Variants in MYO3A observed in about 807,000 individuals in gnomAD.
MYO3A encodes the protein myosin IIIA, also known as myosin-IIIa.
A neutral mutation model predicts 192.7 loss-of-function variants in MYO3A; 180 were observed. The ratio of observed to expected loss-of-function variants is 0.93; its 90% CI spans 0.83 to 1.06. The LOEUF (loss-of-function observed/expected upper bound fraction) is 1.06. Among genes scored for constraint, MYO3A ranks in the 50% least tolerant of loss-of-function variants. MYO3A has a pLI of 0.00. For missense variants in MYO3A, 1,896 were observed against 1,905.0 expected (o/e 1.00, Z 0.09); for synonymous variants, 628 against 645.3 (o/e 0.97, Z 0.41).
intron 31 of MYO3A, among the ~76,000 whole-genome samples, chr10:26,184,752 T>A (rs1325245076): frequency 6.6e-6 from 1 of 152,188 alleles, no homozygotes; most frequent in Non-Finnish European, 1.5e-5. Flanking sequence ...AGCAATAACC[T>A]TTACAAGCTA....
chr10:26,062,530 A>AAAAAAAAAAAACAAAAAAAAACG (rs1554816581), intron 10 of MYO3A, among the ~76,000 whole-genome samples: 1 of 125,946 alleles, frequency 7.9e-6, no homozygotes, highest in African/African-American at 2.9e-5. Flanking sequence ...AAAAAAAAAA[A>AAAAAAAAAAAACAAAAAAAAACG]AAATTATGGA....
intron 10 of MYO3A, among the ~76,000 whole-genome samples, chr10:26,032,267 A>T (rs765298834): frequency 6.6e-6 from 1 of 152,220 alleles, no homozygotes; most frequent in Non-Finnish European, 1.5e-5. Context: ...TATTTGAGAC[A>T]TATGTGGAAG....
At chr10:26,108,922 G>T (rs376819793) in intron 17 of MYO3A, among the ~76,000 whole-genome samples, 69 of 152,304 alleles carry the variant, frequency 4.5e-4, no homozygotes, top group African/African-American at 1.5e-3. Flanking sequence ...CCTTACAAGG[G>T]AGGTTTAGGT....
Position 26,026,629 on chromosome 10 carries a change from A to C in MYO3A, c.953+97A>C, listed in dbSNP as rs890185143. ...AGTTTTTAAGGTGAATAAAATTTGG[A>C]GGTAATGGGGACTTACATGAAAAGT... On this transcript the variant is annotated intron_variant, in intron 10 of 34. Coordinates refer to ENST00000642920, the MANE Select transcript of MYO3A (RefSeq NM_017433.5). The C allele has an allele frequency of 5.6e-6, 8 of 1,419,088 alleles. No homozygotes were observed. In the South Asian group the frequency reaches 9.7e-5, roughly 17 times the overall value. The allele number at this position is 1,419,088 out of a possible 1,614,324, so 87.9% of individuals were successfully genotyped here. A position where few individuals can be genotyped will look rare whatever the true frequency, so the allele number is the denominator to read the frequency against.
rs73594317 is a variant in MYO3A at position 26,203,223 on chromosome 10, A to G, written c.4730+116A>G. On this transcript the variant is annotated intron_variant, in intron 34 of 34. Transcript: ENST00000642920. ...ACAAAGCACTCTTACTGAATATTGC[A>G]TCTTTGGAGTGATATGGTGTTTAAA... 3.7e-4 allele frequency: 418 copies of G among 1,131,566 alleles called. 1 individual carries two copies. In the African/African-American group the frequency reaches 5.6e-3, roughly 15 times the overall value. The allele number at this position is 1,131,566 out of a possible 1,614,324, so 70.1% of individuals were successfully genotyped here. A position where few individuals can be genotyped will look rare whatever the true frequency, so the allele number is the denominator to read the frequency against.
chr10:26,090,139 TCTC>T (rs745654879), intron 15 of MYO3A, among the ~76,000 whole-genome samples: 6 of 152,194 alleles, frequency 3.9e-5, no homozygotes, highest in Non-Finnish European at 7.3e-5. Flanking sequence ...TGTGTAAGCT[TCTC>T]CTTCAGGCCC....
chr10:25,970,323 G>T (rs1176997758), intron 4 of MYO3A, among the ~76,000 whole-genome samples: 1 of 151,798 alleles, frequency 6.6e-6, no homozygotes, highest in African/African-American at 2.4e-5. Flanking sequence ...CTGGGAATTA[G>T]ATCACACACC....
intron 20 of MYO3A, among the ~76,000 whole-genome samples, chr10:26,137,351 G>A (rs1444097878): frequency 2.6e-5 from 4 of 152,166 alleles, no homozygotes; most frequent in Non-Finnish European, 5.9e-5. Flanking sequence ...AACATAAATT[G>A]TGAAGATTTC....
At chr10:25,999,114 G>T (rs1159643255) in intron 6 of MYO3A, among the ~76,000 whole-genome samples, 1 of 152,104 alleles carries the variant, frequency 6.6e-6, no homozygotes, top group Non-Finnish European at 1.5e-5. Context: ...TAGCCAGGAT[G>T]GTCTCGATCT....
Position 26,188,873 on chromosome 10 carries a change from C to T in MYO3A, c.4439-4332C>T, listed in dbSNP as rs1842989272. Among the ~76,000 whole-genome samples, 4 of 152,266 alleles carry T rather than the reference C, an allele frequency of 2.6e-5. No individual in the cohort carries two copies. In the East Asian group the frequency reaches 5.8e-4, roughly 22 times the overall value. ...TCTCTGTTTTGGTATCAGTACCATG[C>T]TGTTTTGGTTACTGCAGCCTTGTAG... On this transcript the variant is annotated intron_variant, in intron 31 of 34. Coordinates refer to ENST00000642920, the MANE Select transcript of MYO3A (RefSeq NM_017433.5).
intron 30 of MYO3A, among the ~76,000 whole-genome samples, chr10:26,176,309 G>A (rs997220720): frequency 6.7e-6 from 1 of 149,192 alleles, no homozygotes; most frequent in African/African-American, 2.5e-5. Flanking sequence ...AAAAAAAAAA[G>A]ACTGGAAAGA....
At chr10:26,057,699 A>G (rs2131321820) in intron 10 of MYO3A, among the ~76,000 whole-genome samples, 1 of 152,350 alleles carries the variant, frequency 6.6e-6, no homozygotes, top group African/African-American at 2.4e-5. Flanking sequence ...AATAAGCAAC[A>G]CTGGAGCTGA....
intron 7 of MYO3A, among the ~76,000 whole-genome samples, chr10:26,020,261 G>A (rs771359699): frequency 6.6e-5 from 10 of 152,130 alleles, no homozygotes; most frequent in African/African-American, 9.7e-5. Flanking sequence ...TGCCCGATAT[G>A]TTGTGTTTAT....
chr10:26,153,439 G>A (rs1179528517), intron 23 of MYO3A, among the ~76,000 whole-genome samples: 1 of 152,156 alleles, frequency 6.6e-6, no homozygotes, highest in African/African-American at 2.4e-5. Flanking sequence ...TAGTTGATTT[G>A]CTTATAACCA....
chr10:26,084,182 G>C (rs115363211), intron 14 of MYO3A, among the ~76,000 whole-genome samples: 6 of 152,180 alleles, frequency 3.9e-5, no homozygotes, highest in Non-Finnish European at 8.8e-5. Context: ...TACTTTTTCT[G>C]CATCAGTTGA....
chr10:26,158,547 G>A (rs961389696), intron 26 of MYO3A, among the ~76,000 whole-genome samples: 1 of 151,954 alleles, frequency 6.6e-6, no homozygotes, highest in South Asian at 2.1e-4. Context: ...GAGCCACTGC[G>A]CCCAGCCAAG....
intron 10 of MYO3A, among the ~76,000 whole-genome samples, chr10:26,028,664 T>A (rs1236883203): frequency 6.6e-6 from 1 of 152,222 alleles, no homozygotes; most frequent in African/African-American, 2.4e-5. Context: ...TTACCCTACC[T>A]GCAAGCTCAC....
In MYO3A at chr10:26,202,977, T is replaced by C. The variant is rs1843743976; in HGVS notation, c.4600T>C (p.Leu1534=). 1 of 1,613,640 alleles carries C rather than the reference T, an allele frequency of 6.2e-7. No individual in the cohort carries two copies. Among genetic ancestry groups the C allele is most frequent in the South Asian group, 1.1e-5 (1 of 91,052 alleles). ...GTTCATTTACAGTCAGGGAAAATTA[T>C]TAGATTTGGAAGATTTCTATTATAA... ...RPRKDSQGKL[L]DLEDFYYKEF... is the part of the protein sequence containing the mutation. The change falls in exon 34 of 35, where the codon TTA becomes CTA. Residue 1534 remains leucine, a synonymous_variant. Coordinates refer to ENST00000642920, the MANE Select transcript of MYO3A (RefSeq NM_017433.5).
chr10:26,149,013 A>G (rs556265995), intron 23 of MYO3A, among the ~76,000 whole-genome samples: 25 of 152,216 alleles, frequency 1.6e-4, no homozygotes, highest in African/African-American at 5.8e-4. Flanking sequence ...TGCAATCACC[A>G]GTGTTGAACA....
Sources: gnomAD v4.1 joint callset for allele counts (sites outside exome capture counted in the v4.1 genomes callset) on GRCh38, gnomAD v4.1.1 for gene constraint, MANE v1.5 for transcripts, NCBI Gene and HGNC (gene_info 2026-07-23, HGNC 2026-07-21) for gene names.